SOX5: variants seen among roughly 807,000 people sequenced by gnomAD.
The protein encoded by SOX5 is SRY-box transcription factor 5.
Under a neutral mutation model 92.0 loss-of-function variants are expected in SOX5, and 9 were observed. The ratio of observed to expected loss-of-function variants is 0.10; its 90% CI spans 0.06 to 0.17. The LOEUF (loss-of-function observed/expected upper bound fraction) is 0.17, where lower values mean the gene tolerates loss of function less well. SOX5 is among the 10% of genes least tolerant of loss of function. The pLI, the probability that SOX5 is intolerant of heterozygous loss-of-function variation, is 1.00. For missense variants in SOX5, 642 were observed against 944.5 expected (o/e 0.68, Z 4.20); for synonymous variants, 344 against 336.3 (o/e 1.02, Z -0.25).
At chr12:24,381,576 AATTAGT>A (rs1281229754) in intron 1 of SOX5, among the ~76,000 whole-genome samples, 1 of 152,210 alleles carries the variant, frequency 6.6e-6, no homozygotes, top group Non-Finnish European at 1.5e-5. Flanking sequence ...AAAAAATCTC[AATTAGT>A]ATTCAATGAA....
chr12:23,734,528 C>A lies in SOX5; in HGVS notation c.810+156G>T, dbSNP rs569238513. On this transcript the variant is annotated intron_variant, in intron 6 of 14. Coordinates refer to ENST00000451604, the MANE Select transcript of SOX5 (RefSeq NM_006940.6). ...GTAGGGCCTGTAGACTGACCAGACA[C>A]CATTTGCAAGATTTCCATGGCAGAG... 1.4e-3 allele frequency among the ~76,000 whole-genome samples: 207 copies of A among 152,262 alleles called. 1 individual carries two copies. The Middle Eastern group carries it at 0.014, about 10-fold the overall frequency.
At chr12:23,825,867 A>C (rs1368898247) in intron 3 of SOX5, among the ~76,000 whole-genome samples, 1 of 152,170 alleles carries the variant, frequency 6.6e-6, no homozygotes, top group African/African-American at 2.4e-5. Flanking sequence ...AAAGCAAAGA[A>C]AAAAAATCTG....
At chr12:23,570,929 AAATATATATATATATATATAT>A (rs531827167) in intron 10 of SOX5, among the ~76,000 whole-genome samples, 490 of 15,988 alleles carry the variant, frequency 0.031, 46 homozygotes, top group African/African-American at 0.041. Context: ...AAAAAAAAAA[AAATATATATATATATATATAT>A]ATATATATAT....
At chr12:23,987,636 T>C (rs1196786946) in intron 4 of SOX5, among the ~76,000 whole-genome samples, 2 of 151,964 alleles carry the variant, frequency 1.3e-5, no homozygotes, top group Non-Finnish European at 2.9e-5. Context: ...CTACAAAAAG[T>C]ACAAAAATTA....
rs545416007 is a variant in SOX5 at position 24,013,753 on chromosome 12, T to C, written c.-1-117729A>G. Among the ~76,000 whole-genome samples the C allele has an allele frequency of 2.1e-3, 315 of 152,184 alleles. 2 individuals are homozygous for C. The highest frequency in any genetic ancestry group is 3.6e-3 in the Non-Finnish European group (245 of 67,908). On this transcript the variant is annotated intron_variant, in intron 4 of 4. Coordinates refer to the SOX5 transcript ENST00000446891. ...TGAAGTTTGAGATATAAAGTAAGGC[T>C]TATTATTTTTATCCATAAAATATAG...
At chr12:23,864,377 T>G (rs2096789468) in intron 2 of SOX5, among the ~76,000 whole-genome samples, 1 of 152,144 alleles carries the variant, frequency 6.6e-6, no homozygotes, top group Non-Finnish European at 1.5e-5. Context: ...GTTGCACGTC[T>G]TTCACTTTAA....
chr12:23,688,898 A>G (rs746645739), intron 6 of SOX5, among the ~76,000 whole-genome samples: 7 of 152,132 alleles, frequency 4.6e-5, no homozygotes, highest in South Asian at 2.1e-4. Flanking sequence ...CTGAATGAAC[A>G]ACCAAATAGA....
chr12:23,604,250 G>T, intron 9 of SOX5, 137 bp downstream of exon 9: 1 of 761,230 alleles, frequency 1.3e-6, no homozygotes, highest in East Asian at 2.6e-5. Flanking sequence ...ATGCACACCT[G>T]TTGCCCTTAC....
chr12:23,991,161 C>T (rs577316689), intron 4 of SOX5, among the ~76,000 whole-genome samples: 1 of 149,084 alleles, frequency 6.7e-6, no homozygotes, highest in Admixed American at 6.8e-5. Context: ...CAAGACCAGC[C>T]TGGGCAACAC....
intron 1 of SOX5, among the ~76,000 whole-genome samples, chr12:24,479,810 C>T (rs570509695): frequency 1.1e-4 from 17 of 151,936 alleles, no homozygotes; most frequent in Non-Finnish European, 2.1e-4. Context: ...GGACTGCAGG[C>T]GCCCACCACC....
rs139273923 is a variant in SOX5 at position 23,561,306 on chromosome 12, G to T, written c.1488+1952C>A. The stretch of plus-strand genomic sequence containing the variant: ...TAAAGTATGACTGTGGAGATGGAAC[G>T]AGAAGTGGCAATAAGGTCCCCTAAC... On this transcript the variant is annotated intron_variant, in intron 11 of 14. Coordinates refer to ENST00000451604, the MANE Select transcript of SOX5 (RefSeq NM_006940.6). Among the ~76,000 whole-genome samples the T allele has an allele frequency of 3.6e-4, 55 of 152,276 alleles. No individual in the cohort carries two copies. In the East Asian group the frequency reaches 0.01, roughly 29 times the overall value.
At chr12:24,045,106 C>G (rs1368208220) in intron 4 of SOX5, among the ~76,000 whole-genome samples, 2 of 152,088 alleles carry the variant, frequency 1.3e-5, no homozygotes, top group Non-Finnish European at 2.9e-5. Flanking sequence ...CTCAAAATAT[C>G]CAGCAAAAGC....
At chr12:23,788,620 G>T (rs2095420712) in intron 3 of SOX5, among the ~76,000 whole-genome samples, 1 of 151,774 alleles carries the variant, frequency 6.6e-6, no homozygotes, top group African/African-American at 2.4e-5. Flanking sequence ...AAACCTTTAG[G>T]TATGCTTGGA....
chr12:24,013,952 A>G (rs906406415), intron 4 of SOX5, among the ~76,000 whole-genome samples: 2 of 152,200 alleles, frequency 1.3e-5, no homozygotes, highest in Non-Finnish European at 2.9e-5. Context: ...TAAACACAGA[A>G]TCAACTTGAG....
intron 1 of SOX5, among the ~76,000 whole-genome samples, chr12:23,919,742 C>A (rs2138766057): frequency 6.6e-6 from 1 of 152,290 alleles, no homozygotes; most frequent in South Asian, 2.1e-4. Context: ...CGACCCTGAG[C>A]CTTTCACCTC....
rs185151848 is a variant in SOX5, at chr12:24,446,051, T to C, written c.-250-77412A>G. Among the ~76,000 whole-genome samples, 67 of 152,294 alleles carry C rather than the reference T, an allele frequency of 4.4e-4. 2 individuals carry two copies. In the East Asian group the frequency reaches 5.4e-3, roughly 12 times the overall value. On this transcript the variant is annotated intron_variant, in intron 1 of 4. Coordinates refer to the SOX5 transcript ENST00000446891. ...TACTCAGAAGAAATCATGAGGCCTT[T>C]TGCAACCAGCATTTAACAAATATTT...
intron 3 of SOX5, among the ~76,000 whole-genome samples, chr12:24,259,853 T>C (rs1300440718): frequency 1.3e-5 from 2 of 152,168 alleles, no homozygotes; most frequent in Non-Finnish European, 2.9e-5. Context: ...TTAGATTCCA[T>C]AATTCAAAAA....
At chr12:23,814,581 T>C (rs534349941) in intron 3 of SOX5, among the ~76,000 whole-genome samples, 1 of 152,312 alleles carries the variant, frequency 6.6e-6, no homozygotes, top group East Asian at 1.9e-4. Context: ...CGTACACAAT[T>C]TTTCACTTCA....
At chr12:23,567,464 A>T (rs369878530) in intron 10 of SOX5, among the ~76,000 whole-genome samples, 2 of 119,146 alleles carry the variant, frequency 1.7e-5, no homozygotes, top group Non-Finnish European at 3.3e-5. Flanking sequence ...ATTTGATTTG[A>T]TTTTTTTTTT....
Sources: allele counts gnomAD v4.1 joint callset (sites outside exome capture counted in the v4.1 genomes callset), GRCh38; gene constraint gnomAD v4.1.1; transcripts MANE v1.5; gene names NCBI Gene and HGNC (gene_info 2026-07-23, HGNC 2026-07-21).